Variants in SIPA1L1 observed in about 807,000 individuals in gnomAD.
SIPA1L1 encodes the protein signal-induced proliferation-associated 1-like protein 1.
A neutral mutation model predicts 162.7 loss-of-function variants in SIPA1L1; 26 were observed. The observed-to-expected ratio is 0.16, with a 90% CI of 0.12 to 0.22. The LOEUF is 0.22. Among genes scored for constraint, SIPA1L1 ranks in the 10% least tolerant of loss-of-function variants. The pLI is 1.00. For missense variants in SIPA1L1, 1,874 were observed against 2,241.0 expected, an observed-to-expected ratio of 0.84 and a Z score of 3.31; for synonymous variants, 829 against 837.4, an observed-to-expected ratio of 0.99 and a Z score of 0.17.
At chr14:71,543,419 G>A (rs931946754) in intron 4 of SIPA1L1, among the ~76,000 whole-genome samples, 2 of 152,128 alleles carry the variant, frequency 1.3e-5, no homozygotes, top group Non-Finnish European at 2.9e-5. Flanking sequence ...GAGAATAATT[G>A]GGTCATAGGA....
intron 4 of SIPA1L1, among the ~76,000 whole-genome samples, chr14:71,544,814 A>G (rs1401495257): frequency 6.6e-6 from 1 of 152,182 alleles, no homozygotes; most frequent in Admixed American, 6.5e-5. Flanking sequence ...TCTTAAGTCA[A>G]TTATACACTG....
chr14:71,550,241 C>T (rs1274520531), intron 4 of SIPA1L1, among the ~76,000 whole-genome samples: 1 of 152,054 alleles, frequency 6.6e-6, no homozygotes, highest in Non-Finnish European at 1.5e-5. Flanking sequence ...CAGAGTGAGA[C>T]ACTGTCTCAA....
intron 3 of SIPA1L1, among the ~76,000 whole-genome samples, chr14:71,520,777 G>A (rs1378590804): frequency 6.6e-6 from 1 of 151,830 alleles, no homozygotes; most frequent in Non-Finnish European, 1.5e-5. Context: ...TTTTGACACA[G>A]GGCCTCACTC....
chr14:71,673,754 C>G (rs960280283), intron 12 of SIPA1L1, among the ~76,000 whole-genome samples: 15 of 152,154 alleles, frequency 9.9e-5, no homozygotes, highest in African/African-American at 3.4e-4. Flanking sequence ...GACTGCATTT[C>G]CCTGGAAATC....
At chr14:71,327,548 A>C (rs1442619069) in intron 2 of SIPA1L1, among the ~76,000 whole-genome samples, 1 of 152,222 alleles carries the variant, frequency 6.6e-6, no homozygotes, top group Non-Finnish European at 1.5e-5. Context: ...AATATAAATT[A>C]ATAGGATGTC....
chr14:71,451,845 CAT>C (rs1446636210), intron 2 of SIPA1L1, among the ~76,000 whole-genome samples: 1 of 151,754 alleles, frequency 6.6e-6, no homozygotes, highest in African/African-American at 2.4e-5. Context: ...ATGATAAACA[CAT>C]ACAATTTTTA....
intron 2 of SIPA1L1, among the ~76,000 whole-genome samples, chr14:71,369,806 C>T (rs2038707744): frequency 6.7e-6 from 1 of 149,736 alleles, no homozygotes. Flanking sequence ...ATGGAATGTT[C>T]TTCCATTTGT....
Position 71,441,691 on chromosome 14 carries a change from G to A in SIPA1L1, c.-464-71052G>A, listed in dbSNP as rs148864703. Among the ~76,000 whole-genome samples the A allele has an allele frequency of 6.6e-5, 10 of 152,204 alleles. No homozygotes were observed. The East Asian group carries it at 7.7e-4, about 12-fold the overall frequency. On this transcript the variant is annotated intron_variant, in intron 2 of 23. Transcript: ENST00000381232. ...TTGGATAAATCTCGGGTAATTGTTC[G>A]TATACAGTAACTACTATAGTGGATG...
At chr14:71,524,680 G>A (rs945093724) in intron 3 of SIPA1L1, among the ~76,000 whole-genome samples, 15 of 152,086 alleles carry the variant, frequency 9.9e-5, no homozygotes, top group Non-Finnish European at 1.8e-4. Context: ...AACTCCTTAG[G>A]CTCAAGTAGC....
At chr14:71,412,444 T>C (rs1595320952) in intron 2 of SIPA1L1, among the ~76,000 whole-genome samples, 1 of 152,332 alleles carries the variant, frequency 6.6e-6, no homozygotes, top group East Asian at 1.9e-4. Context: ...ACGGTTTTCT[T>C]CTGATATTTG....
chr14:71,720,610 T>G (rs2083636954), intron 17 of SIPA1L1, among the ~76,000 whole-genome samples: 1 of 152,118 alleles, frequency 6.6e-6, no homozygotes, highest in Admixed American at 6.6e-5. Context: ...TTCTAGCTCT[T>G]GTAGGCATGT....
chr14:71,565,409 G>C (rs2146777934), intron 4 of SIPA1L1, among the ~76,000 whole-genome samples: 1 of 152,334 alleles, frequency 6.6e-6, no homozygotes, highest in South Asian at 2.1e-4. Context: ...AAGGGGTTTG[G>C]TAGGCCTGCC....
intron 5 of SIPA1L1, among the ~76,000 whole-genome samples, chr14:71,602,844 A>T (rs147804621): frequency 2.6e-5 from 4 of 152,332 alleles, no homozygotes; most frequent in Non-Finnish European, 5.9e-5. Flanking sequence ...TGCACATGCG[A>T]GGGATCTAGG....
In SIPA1L1 at chr14:71,650,527, C is replaced by T. The variant is rs1234869958; in HGVS notation, c.1993+18C>T. The T allele has an allele frequency of 1.9e-6, 3 of 1,610,862 alleles. No homozygotes were observed. Among genetic ancestry groups the T allele is most frequent in the East Asian group, 4.5e-5 (2 of 44,840 alleles). On this transcript the variant is annotated intron_variant, in intron 8 of 23. Transcript: ENST00000381232. ...TACCAAAAGTAAGAAATACTTACAC[C>T]CTCCTACTAGGCTTATTTTCCCCCT... is the stretch of plus-strand genomic sequence containing the variant.
At chr14:71,586,475 G>T (rs1049232036) in intron 4 of SIPA1L1, 1 of 152,218 alleles carries the variant, frequency 6.6e-6, no homozygotes, top group African/African-American at 2.4e-5. Context: ...TGTCAGCTCA[G>T]TGCTGGTTCA....
chr14:71,630,495 A>G (rs1466237654), intron 7 of SIPA1L1, among the ~76,000 whole-genome samples: 1 of 152,216 alleles, frequency 6.6e-6, no homozygotes, highest in Non-Finnish European at 1.5e-5. Context: ...ACACGTGAGG[A>G]CTTGGATCAC....
intron 2 of SIPA1L1, among the ~76,000 whole-genome samples, chr14:71,482,425 A>G (rs1436312710): frequency 6.6e-6 from 1 of 152,200 alleles, no homozygotes; most frequent in African/African-American, 2.4e-5. Context: ...AACCAAGGAA[A>G]GAATGGGAAC....
chr14:71,502,255 A>AAAAAATATATATATATATATATATATAT (rs67020418), intron 2 of SIPA1L1, among the ~76,000 whole-genome samples: 1 of 97,558 alleles, frequency 1.0e-5, no homozygotes, highest in African/African-American at 4.5e-5. Context: ...AAAAAAAAAA[A>AAAAAATATATATATATATATATATATAT]ATATATATAT....
chr14:71,715,470 T>C (rs1476336252), intron 17 of SIPA1L1, among the ~76,000 whole-genome samples: 2 of 152,222 alleles, frequency 1.3e-5, no homozygotes, highest in Admixed American at 6.5e-5. Flanking sequence ...TTCTACACAA[T>C]AGACAGCAGG....
Sources: allele counts gnomAD v4.1 joint callset (sites outside exome capture counted in the v4.1 genomes callset), GRCh38; gene constraint gnomAD v4.1.1; transcripts MANE v1.5; gene names NCBI Gene and HGNC (gene_info 2026-07-23, HGNC 2026-07-21).